Variants in MAX observed in about 807,000 individuals in gnomAD.
MAX encodes the protein protein max.
In MAX, 3 loss-of-function variants were observed where a neutral mutation model predicts 22.3. The observed-to-expected ratio is 0.13, with a 90% confidence interval of 0.06 to 0.35. The LOEUF (loss-of-function observed/expected upper bound fraction) is 0.35. Among genes scored for constraint, MAX ranks in the 10% least tolerant of loss-of-function variants. The pLI, the probability that MAX is intolerant of heterozygous loss-of-function variation, is 1.00. For synonymous variants in MAX, 72 were observed against 77.7 expected (o/e 0.93, Z 0.39); for missense variants, 119 against 209.4 (o/e 0.57, Z 2.66).
At position 65,031,450 on chromosome 14, in the gene MAX, T is replaced by C. The variant is rs2062080884; in HGVS notation, c.172-25166A>G. Among the ~76,000 whole-genome samples, 1 of 151,828 alleles carries C rather than the reference T, an allele frequency of 6.6e-6. No individual in the cohort carries two copies. On this transcript the variant is annotated intron_variant, in intron 3 of 3. Coordinates refer to the MAX transcript ENST00000341653. The surrounding 1 kb of genome is among the most constrained non-coding windows in gnomAD (Gnocchi z 4.6). ...CTCCTGCCTCAGCCTCCCAAGTAGT[T>C]GGGACTACGGGCACACGCCACCATG...
At chr14:65,039,008 T>G (rs2062282101) in intron 3 of MAX, among the ~76,000 whole-genome samples, 1 of 152,258 alleles carries the variant, frequency 6.6e-6, no homozygotes, top group Non-Finnish European at 1.5e-5. Flanking sequence ...GCTCCCTGTC[T>G]TATTTCCTCC....
chr14:65,039,596 C>T (rs2062297043), intron 3 of MAX, among the ~76,000 whole-genome samples: 1 of 152,112 alleles, frequency 6.6e-6, no homozygotes, highest in African/African-American at 2.4e-5. Flanking sequence ...CCTCTCCCAT[C>T]CCTATCCTTT....
intron 3 of MAX, among the ~76,000 whole-genome samples, chr14:65,026,439 C>T (rs922787474): frequency 6.6e-6 from 1 of 152,138 alleles, no homozygotes; most frequent in Non-Finnish European, 1.5e-5. Flanking sequence ...TCCAAGAACC[C>T]GCAGACTGGG....
downstream of MAX, among the ~76,000 whole-genome samples, chr14:65,071,181 A>T (rs147780946): frequency 4.8e-4 from 73 of 151,874 alleles, no homozygotes; most frequent in Middle Eastern, 3.4e-3. This position sits in a 1 kb window ranked among gnomAD's most constrained non-coding sequence, Gnocchi z 4.2. Context: ...TTGCTGTGTC[A>T]CCCAGGCTGG....
chr14:65,060,203 AAG>A (rs1455465612), intron 3 of MAX, among the ~76,000 whole-genome samples: 2 of 149,082 alleles, frequency 1.3e-5, no homozygotes, highest in South Asian at 2.1e-4. Flanking sequence ...AAATATAAAA[AAG>A]AAAATGAAAA....
chr14:65,056,507 C>A (rs766509749), intron 3 of MAX, among the ~76,000 whole-genome samples: 1 of 152,120 alleles, frequency 6.6e-6, no homozygotes, highest in Admixed American at 6.5e-5. Context: ...ATAGTCAGAC[C>A]TTTTCCTTTT....
At position 65,075,388 on chromosome 14, in the gene MAX, A is replaced by G. The variant is rs564165542; in HGVS notation, c.*1088T>C. 1 of 1,062,842 alleles carries G rather than the reference A, an allele frequency of 9.4e-7. No individual in the cohort carries two copies. The highest frequency in any genetic ancestry group is 1.6e-5 in the African/African-American group (1 of 60,990). The allele number at this position is 1,062,842 out of a possible 1,614,324, so 65.8% of individuals were successfully genotyped here. A position where few individuals can be genotyped will look rare whatever the true frequency, so the allele number is the denominator to read the frequency against. On this transcript the variant is annotated 3_prime_UTR_variant, in exon 5 of 5. Coordinates refer to ENST00000358664, the MANE Select transcript of MAX (RefSeq NM_002382.5). The surrounding 1 kb of genome is among the most constrained non-coding windows in gnomAD (Gnocchi z 4.1). ...AGCCAGAACCAGGGCTGGATCACAC[A>G]ATGGAGACAGGTTCCAGGACAGTAG...
At chr14:65,074,257 C>T (rs2063016276), downstream of MAX, among the ~76,000 whole-genome samples, 2 of 152,194 alleles carry the variant, frequency 1.3e-5, no homozygotes, top group African/African-American at 4.8e-5. Context: ...CCATTTCTTC[C>T]TTACTGCAGT....
downstream of MAX, among the ~76,000 whole-genome samples, chr14:65,074,198 G>C (rs531687366): frequency 1.3e-3 from 194 of 152,326 alleles, 1 homozygote; most frequent in African/African-American, 4.0e-3. Context: ...TGAAAAAGAG[G>C]AAAGCATGTT....
chr14:65,021,886 T>C (rs1490000129), intron 3 of MAX: 4 of 455,062 alleles, frequency 8.8e-6, no homozygotes, highest in Non-Finnish European at 1.8e-5. Context: ...CCTTAAGTGA[T>C]CCGCCCACGT....
intron 3 of MAX, chr14:65,083,956 A>T: frequency 3.6e-6 from 5 of 1,387,900 alleles, no homozygotes; most frequent in Non-Finnish European, 4.7e-6. Flanking sequence ...AAACTAGTTC[A>T]TTCAAAAATG....
At position 65,031,306 on chromosome 14, in the gene MAX, T is replaced by C. The variant is rs755147125; in HGVS notation, c.172-25022A>G. ...AGCAAGAATGATCCTAAATCAAGTA[T>C]AATAATTTTTTGTGTTTGTTTTTTT... is the stretch of plus-strand genomic sequence containing the variant. On this transcript the variant is annotated intron_variant, in intron 3 of 3. Transcript: ENST00000341653. This position sits in a 1 kb window ranked among gnomAD's most constrained non-coding sequence, Gnocchi z 4.6. Among the ~76,000 whole-genome samples the C allele has an allele frequency of 6.6e-6, 1 of 151,616 alleles. No homozygotes were observed. The highest frequency in any genetic ancestry group is 1.5e-5 in the Non-Finnish European group (1 of 67,892).
rs71444680 is a variant in MAX at position 65,032,910 on chromosome 14, T to TA, written c.172-26627dup. Among the ~76,000 whole-genome samples the TA allele has an allele frequency of 0.25, 37,895 of 152,148 alleles. 4,923 individuals are homozygous for TA. Among genetic ancestry groups the TA allele is most frequent in the Non-Finnish European group, 0.3 (20,306 of 67,996 alleles). On this transcript the variant is annotated intron_variant, in intron 3 of 3. Transcript: ENST00000341653. The surrounding 1 kb of genome is among the most constrained non-coding windows in gnomAD (Gnocchi z 5.0). The stretch of plus-strand genomic sequence containing the variant: ...ATATTATATTTTAGATTGGCAAAGA[T>TA]AAAAAACTTTGGTAAACAATATTAG...
chr14:65,066,886 A>AT (rs2062936171), intron 3 of MAX, among the ~76,000 whole-genome samples: 2 of 144,864 alleles, frequency 1.4e-5, no homozygotes, highest in Admixed American at 1.4e-4. Flanking sequence ...AAAACAATGT[A>AT]TTTTTTAGTT....
In MAX at chr14:65,102,475, A is replaced by G. The variant is rs1283952501; in HGVS notation, c.-136T>C. The G allele has an allele frequency of 6.0e-6, 9 of 1,511,870 alleles. No individual in the cohort carries two copies. The highest frequency in any genetic ancestry group is 8.0e-6 in the Non-Finnish European group (9 of 1,131,596). 93.7% of individuals were successfully genotyped at this position (1,511,870 alleles called of 1,614,324 possible). A position where few individuals can be genotyped will look rare whatever the true frequency, so the allele number is the denominator to read the frequency against. ...CACTCACTCACTCACTCGCTCTCTC[A>G]CTCACACACACACACAACACGGGCA... On this transcript the variant is annotated 5_prime_UTR_variant, in exon 1 of 5. Transcript: ENST00000358664.
chr14:65,037,748 AT>A (rs55864662), intron 3 of MAX, among the ~76,000 whole-genome samples: 20,569 of 72,136 alleles, frequency 0.29, 1,764 homozygotes, highest in African/African-American at 0.3. Flanking sequence ...TTTATTATTT[AT>A]TTATTTATTT....
chr14:65,059,544 A>AAAT (rs1365536158), intron 3 of MAX, among the ~76,000 whole-genome samples: 1 of 152,030 alleles, frequency 6.6e-6, no homozygotes, highest in African/African-American at 2.4e-5. Flanking sequence ...TGGTTTTTAA[A>AAAT]AATTATTGTT....
At chr14:65,038,385 A>T (rs1012030726) in intron 3 of MAX, among the ~76,000 whole-genome samples, 1 of 148,736 alleles carries the variant, frequency 6.7e-6, no homozygotes, top group Non-Finnish European at 1.5e-5. Flanking sequence ...ACTCCAGCCC[A>T]GGTGACAGTG....
At position 65,011,839 on chromosome 14, in the gene MAX, G is replaced by T. The variant is rs1179319611; in HGVS notation, c.172-5555C>A. Among the ~76,000 whole-genome samples, 2 of 152,198 alleles carry T rather than the reference G, an allele frequency of 1.3e-5. No individual in the cohort carries two copies. Among genetic ancestry groups the T allele is most frequent in the Non-Finnish European group, 2.9e-5 (2 of 68,042 alleles). ...AGAATAATAGTTGGATAACCGAGAG[G>T]CAGGCAGGGAGTAAATTATGGGCCT... On this transcript the variant is annotated intron_variant, in intron 3 of 3. Transcript: ENST00000341653. This position sits in a 1 kb window ranked among gnomAD's most constrained non-coding sequence, Gnocchi z 4.0.
Sources: allele counts gnomAD v4.1 joint callset (sites outside exome capture counted in the v4.1 genomes callset), GRCh38; gene constraint gnomAD v4.1.1; non-coding constraint Gnocchi (gnomAD v3.1); transcripts MANE v1.5; gene names NCBI Gene and HGNC (gene_info 2026-07-23, HGNC 2026-07-21).